Variants in GRAMD1A observed in about 807,000 individuals in gnomAD.
GRAMD1A encodes protein Aster-A.
GRAMD1A carries 50 observed loss-of-function variants against 92.0 expected under a neutral mutation model. The observed-to-expected ratio is 0.54, with a 90% confidence interval of 0.43 to 0.69. The LOEUF (loss-of-function observed/expected upper bound fraction) is 0.69, where lower values mean the gene tolerates loss of function less well. GRAMD1A is among the 30% of genes least tolerant of loss of function. The pLI is 0.00. For synonymous variants in GRAMD1A, 405 were observed against 403.6 expected (o/e 1.00, Z -0.04); for missense variants, 819 against 978.9 (o/e 0.84, Z 2.18).
chr19:35,004,042 C>T (rs1032424807), intron 1 of GRAMD1A, among the ~76,000 whole-genome samples: 2 of 152,298 alleles, frequency 1.3e-5, no homozygotes, highest in East Asian at 1.9e-4. Context: ...GCCTGGGCAA[C>T]ATAGCAAGAC....
intron 11 of GRAMD1A, 45 bp from the exon 12 acceptor site, chr19:35,019,146 A>G (rs1331462948): frequency 2.3e-6 from 3 of 1,312,852 alleles, no homozygotes; most frequent in Non-Finnish European, 1.1e-6. Context: ...CCTGTGGGCA[A>G]AGGACTGGGG....
chr19:34,996,111 G>A (rs530320130), upstream of GRAMD1A: 37 of 1,535,850 alleles, frequency 2.4e-5, no homozygotes, highest in Non-Finnish European at 2.9e-5. Context: ...GCAGGGCAGC[G>A]GAAGCAGCAG....
intron 10 of GRAMD1A, 39 bp from the exon 11 acceptor site, chr19:35,015,785 T>C (rs756364480): frequency 6.3e-7 from 1 of 1,588,580 alleles, no homozygotes; most frequent in East Asian, 2.3e-5. Flanking sequence ...GAGGGAGGAG[T>C]GGAGGCAGTC....
upstream of GRAMD1A, chr19:34,995,983 C>A: frequency 6.7e-7 from 1 of 1,483,062 alleles, no homozygotes; most frequent in Non-Finnish European, 9.0e-7. Flanking sequence ...TCTCTTTTTT[C>A]TCTTTCCCAG....
chr19:35,022,033 C>T lies in GRAMD1A; in HGVS notation c.1836C>T (p.Ser612=). The T allele has an allele frequency of 6.2e-7, 1 of 1,611,352 alleles. No individual in the cohort carries two copies. The highest frequency in any genetic ancestry group is 8.5e-7 in the Non-Finnish European group (1 of 1,177,760). The change falls in exon 16 of 20, where the codon AGC becomes AGT. Residue 612 remains serine (S), a synonymous_variant. Coordinates refer to ENST00000317991, the MANE Select transcript of GRAMD1A (RefSeq NM_020895.5). ...AGIPSALVLI[S]IVICVSLIIL... is the part of the protein sequence containing the mutation. ...TCCCCAGTGCCCTGGTTCTCATCAG[C>T]ATTGTGTGAGTAAGAGACAGGAGCA...
upstream of GRAMD1A, among the ~76,000 whole-genome samples, chr19:34,996,987 C>T (rs906309832): frequency 6.6e-6 from 1 of 152,048 alleles, no homozygotes; most frequent in African/African-American, 2.4e-5. Flanking sequence ...GGCTGAAGTG[C>T]AGTGGCATGA....
At chr19:35,025,979 G>A (rs184342061) in intron 19 of GRAMD1A, 70 bp from the exon 20 acceptor site, 63 of 815,846 alleles carry the variant, frequency 7.7e-5, no homozygotes, top group Non-Finnish European at 8.3e-5. Context: ...CAATGGCAAG[G>A]TGGGGGTGGG....
At chr19:35,022,133 C>A in intron 16 of GRAMD1A, 95 bp downstream of exon 16, 1 of 834,198 alleles carries the variant, frequency 1.2e-6, no homozygotes. Context: ...GAGCTCTCTG[C>A]TTAAGTGGGA....
Position 35,004,098 on chromosome 19 carries a change from G to A in GRAMD1A, c.8+3612G>A, listed in dbSNP as rs1437142585. On this transcript the variant is annotated intron_variant, in intron 1 of 19. Transcript: ENST00000317991. Reference sequence around the variant, plus strand: ...TTAAAAATCAGCTAGGCATGGTGGTGTGAGACTGTAGTCCCAGCTATCAGG... The same window carrying A: ...TTAAAAATCAGCTAGGCATGGTGGTATGAGACTGTAGTCCCAGCTATCAGG... Among the ~76,000 whole-genome samples the A allele has an allele frequency of 5.3e-5, 8 of 152,172 alleles. No homozygotes were observed. The South Asian group carries it at 1.0e-3, about 20-fold the overall frequency.
At chr19:34,997,602 T>A (rs984186882), upstream of GRAMD1A, among the ~76,000 whole-genome samples, 4 of 152,100 alleles carry the variant, frequency 2.6e-5, no homozygotes, top group Non-Finnish European at 4.4e-5. Flanking sequence ...CGTTAAAGTT[T>A]AGGAAGCAGA....
intron 6 of GRAMD1A, 28 bp from the exon 7 acceptor site, chr19:35,011,446 C>A: frequency 1.3e-6 from 2 of 1,544,614 alleles, no homozygotes; most frequent in Non-Finnish European, 1.8e-6. Flanking sequence ...AACCTGCTCA[C>A]ACCTCTCTCT....
intron 11 of GRAMD1A, among the ~76,000 whole-genome samples, chr19:35,018,851 G>C (rs998269364): frequency 3.3e-5 from 5 of 152,084 alleles, no homozygotes; most frequent in Non-Finnish European, 5.9e-5. Flanking sequence ...GGGCCTGGGA[G>C]ATGCAGCAGG....
At position 35,014,236 on chromosome 19, in the gene GRAMD1A, C is replaced by T. The variant is rs1450507662; in HGVS notation, c.918C>T (p.Ser306=). Residue 306 remains serine, a synonymous_variant, in exon 10 of 20, where the codon TCC becomes TCT. Transcript: ENST00000317991. The stretch of plus-strand genomic sequence containing the variant: ...AGGTAGACAGCCAGCCAGACGCCTC[C>T]TCCAGCCAGACAGTGACCCCGGTGG... ...EEQVDSQPDA[S]SSQTVTPVAE... 6.2e-7 allele frequency: 1 copy of T among 1,614,114 alleles called. No individual in the cohort carries two copies. The highest frequency in any genetic ancestry group is 8.5e-7 in the Non-Finnish European group (1 of 1,180,016).
In GRAMD1A at chr19:35,013,387, G is replaced by A; in HGVS notation, c.719+19G>A. ...GTCTGGGGTGAGTTGGAGGTCAAAG[G>A]AGGTTGAAGGGTTCGGGGGAGAACA... On this transcript the variant is annotated intron_variant, in intron 8 of 19. Transcript: ENST00000317991. This position sits in a 1 kb window ranked among gnomAD's most constrained non-coding sequence, Gnocchi z 4.9. The A allele has an allele frequency of 2.6e-6, 4 of 1,523,566 alleles. No individual in the cohort carries two copies. Among genetic ancestry groups the A allele is most frequent in the Non-Finnish European group, 3.6e-6 (4 of 1,114,594 alleles). 94.4% of individuals were successfully genotyped at this position (1,523,566 alleles called of 1,614,324 possible). A position where few individuals can be genotyped will look rare whatever the true frequency, so the allele number is the denominator to read the frequency against.
Position 35,014,295 on chromosome 19 carries a change from A to G in GRAMD1A, c.977A>G (p.Asp326Gly), listed in dbSNP as rs760200791. 5.0e-6 allele frequency: 8 copies of G among 1,614,080 alleles called. No homozygotes were observed. Among genetic ancestry groups the G allele is most frequent in the Non-Finnish European group, 4.2e-6 (5 of 1,179,980 alleles). Residue 326 changes from aspartate to glycine, a missense_variant, in exon 10 of 20, where the codon GAC becomes GGC. By Grantham distance (94) the Asp-to-Gly change is moderately conservative. This residue lies in a region of GRAMD1A where 577 missense variants were observed against 674.6 expected (regional missense o/e 0.86). Coordinates refer to ENST00000317991, the MANE Select transcript of GRAMD1A (RefSeq NM_020895.5). The part of the protein sequence containing the change: ...EPPSTEPTQP[D>G]GPTTLGPLDL... ...CCGAGCACAGAGCCCACCCAGCCTG[A>G]CGGGCCCACCACCCTGGGCCCCTTG... is the stretch of plus-strand genomic sequence containing the variant.
chr19:35,019,648 TG>T lies in GRAMD1A; in HGVS notation c.1475+119del, dbSNP rs988821428. On this transcript the variant is annotated intron_variant, in intron 13 of 19. Transcript: ENST00000317991. ...CCACCCTGGTGGAGGAACAGAAGCGTGGGGTTCCTGAGGCCCTTGTCCTCCG... is the reference window on the plus strand; with the variant it reads ...CCACCCTGGTGGAGGAACAGAAGCGTGGGTTCCTGAGGCCCTTGTCCTCCG... The T allele has an allele frequency of 5.9e-5, 62 of 1,050,048 alleles. No homozygotes were observed. In the African/African-American group the frequency reaches 6.7e-4, roughly 11 times the overall value. 65.0% of individuals were successfully genotyped at this position (1,050,048 alleles called of 1,614,324 possible).
At chr19:35,005,720 A>G (rs1282243732) in intron 1 of GRAMD1A, among the ~76,000 whole-genome samples, 1 of 152,160 alleles carries the variant, frequency 6.6e-6, no homozygotes, top group Non-Finnish European at 1.5e-5. Context: ...CCTGTCCCGC[A>G]TTGTGCTGGG....
rs995087607 is a variant in GRAMD1A at position 35,022,006 on chromosome 19, C to T, written c.1809C>T (p.Gly603=). 4 of 1,613,834 alleles carry T rather than the reference C, an allele frequency of 2.5e-6. No homozygotes were observed. The highest frequency in any genetic ancestry group is 1.7e-5 in the Admixed American group (1 of 59,998). ...CTGTGGACCAGGGCCCCGGGGCAGG[C>T]ATCCCCAGTGCCCTGGTTCTCATCA... ...EPSVDQGPGA[G]IPSALVLISI... The change falls in exon 16 of 20, where the codon GGC becomes GGT. Residue 603 remains glycine, a synonymous_variant. Coordinates refer to ENST00000317991, the MANE Select transcript of GRAMD1A (RefSeq NM_020895.5).
upstream of GRAMD1A, chr19:34,999,929 A>C (rs2151695225): frequency 2.1e-6 from 2 of 949,244 alleles, no homozygotes; most frequent in East Asian, 2.3e-4. Context: ...CCCCATACAT[A>C]CACCTCGGTT....
Sources: gnomAD v4.1 joint callset for allele counts (sites outside exome capture counted in the v4.1 genomes callset) on GRCh38, gnomAD v4.1.1 for gene constraint, gnomAD v4.1.1 regional missense constraint, Gnocchi (gnomAD v3.1) non-coding constraint, MANE v1.5 for transcripts, NCBI Gene and HGNC (gene_info 2026-07-23, HGNC 2026-07-21) for gene names.